Variants in NXN observed in about 807,000 individuals in gnomAD.
NXN encodes nucleoredoxin 1.
Under a neutral mutation model 48.6 loss-of-function variants are expected in NXN, and 16 were observed. The ratio of observed to expected loss-of-function variants is 0.33; its 90% CI spans 0.22 to 0.50. The LOEUF is 0.50. Among genes scored for constraint, NXN ranks in the 20% least tolerant of loss-of-function variants. The pLI is 0.98. For synonymous variants in NXN, 281 were observed against 269.6 expected (o/e 1.04, Z -0.41); for missense variants, 492 against 605.5 (o/e 0.81, Z 1.97).
chr17:823,775 A>C lies in NXN; in HGVS notation c.479-10T>G. 1.9e-6 allele frequency: 3 copies of C among 1,614,130 alleles called. No homozygotes were observed. Among genetic ancestry groups the C allele is most frequent in the Non-Finnish European group, 2.5e-6 (3 of 1,180,010 alleles). ...CAGGGGAACTCCAGACCTGAAACAGAAAACAGATGGTAAAAGAGGGCTTAG... is the reference window on the plus strand; with the variant it reads ...CAGGGGAACTCCAGACCTGAAACAGCAAACAGATGGTAAAAGAGGGCTTAG... On this transcript the variant is annotated splice_polypyrimidine_tract_variant and intron_variant, in intron 2 of 7. Transcript: ENST00000336868.
chr17:909,521 A>T (rs192846074), intron 1 of NXN: 1 of 140,786 alleles, frequency 7.1e-6, no homozygotes, highest in Non-Finnish European at 1.5e-5. Context: ...CTTGTGTTCC[A>T]AAGGAAATGA....
chr17:974,873 C>A (rs1036271435), intron 1 of NXN, among the ~76,000 whole-genome samples: 5 of 151,872 alleles, frequency 3.3e-5, no homozygotes, highest in African/African-American at 1.2e-4. Flanking sequence ...GTTGTCCTGG[C>A]TGGAGTGTAG....
At chr17:812,895 G>A (rs1039046893) in intron 5 of NXN, among the ~76,000 whole-genome samples, 1 of 142,090 alleles carries the variant, frequency 7.0e-6, no homozygotes. Context: ...TGTGAATGTA[G>A]GTGTGTGCAT....
intron 1 of NXN, among the ~76,000 whole-genome samples, chr17:853,702 C>CACACAT (rs1269027449): frequency 8.4e-6 from 1 of 119,316 alleles, no homozygotes; most frequent in African/African-American, 3.6e-5. Flanking sequence ...CTGTTATACA[C>CACACAT]ATATATATAT....
intron 5 of NXN, among the ~76,000 whole-genome samples, chr17:818,524 G>A (rs940418929): frequency 1.3e-5 from 2 of 152,144 alleles, no homozygotes; most frequent in African/African-American, 2.4e-5. Context: ...CTCTTTCACA[G>A]TAAACCTTTG....
rs963656973 is a variant in NXN, at chr17:920,296, C to T, written c.360+59023G>A. ...GCTTTGACCTGGAGGAATCTGGCAA[C>T]GTCAACATCAAGTGATTGTTCAAAT... is the stretch of plus-strand genomic sequence containing the variant. On this transcript the variant is annotated intron_variant, in intron 1 of 7. Coordinates refer to ENST00000336868, the MANE Select transcript of NXN (RefSeq NM_022463.5). The surrounding 1 kb of genome is among the most constrained non-coding windows in gnomAD (Gnocchi z 4.6). 2.6e-5 allele frequency among the ~76,000 whole-genome samples: 4 copies of T among 152,266 alleles called. No individual in the cohort carries two copies. Among genetic ancestry groups the T allele is most frequent in the Non-Finnish European group, 5.9e-5 (4 of 68,022 alleles).
chr17:892,412 T>C (rs1039897869), intron 1 of NXN, among the ~76,000 whole-genome samples: 3 of 152,162 alleles, frequency 2.0e-5, no homozygotes, highest in Admixed American at 2.0e-4. Context: ...GCCTCTCACT[T>C]ACAGCTGACC....
rs574030879 is a variant in NXN at position 956,054 on chromosome 17, C to A, written c.360+23265G>T. On this transcript the variant is annotated intron_variant, in intron 1 of 7. Coordinates refer to ENST00000336868, the MANE Select transcript of NXN (RefSeq NM_022463.5). The surrounding 1 kb of genome is among the most constrained non-coding windows in gnomAD (Gnocchi z 4.1). ...ACTGTGGCCACATAATCCCCCTGTC[C>A]TTTCCAGGGTATCATTCAGTGACTG... is the stretch of plus-strand genomic sequence containing the variant. Among the ~76,000 whole-genome samples, 68 of 152,280 alleles carry A rather than the reference C, an allele frequency of 4.5e-4. No individual in the cohort carries two copies. The highest frequency in any genetic ancestry group is 1.6e-3 in the African/African-American group (68 of 41,564).
intron 1 of NXN, among the ~76,000 whole-genome samples, chr17:829,822 T>C (rs1023081856): frequency 1.3e-5 from 2 of 152,310 alleles, no homozygotes; most frequent in African/African-American, 2.4e-5. Context: ...TATGGCTGTA[T>C]AGTATTCCAT....
intron 1 of NXN, among the ~76,000 whole-genome samples, chr17:952,989 G>A (rs2069129521): frequency 6.6e-6 from 1 of 152,116 alleles, no homozygotes; most frequent in African/African-American, 2.4e-5. Flanking sequence ...GGTGGTCCTA[G>A]AGGGGTCCTA....
intron 7 of NXN, among the ~76,000 whole-genome samples, chr17:803,396 A>AGCCACGGCCACTC (rs1365642418): frequency 6.6e-6 from 1 of 152,132 alleles, no homozygotes; most frequent in Non-Finnish European, 1.5e-5. Flanking sequence ...CACACTTTGC[A>AGCCACGGCCACTC]GCCACGGCCA....
At chr17:845,400 C>A (rs763531114) in intron 1 of NXN, among the ~76,000 whole-genome samples, 3 of 151,524 alleles carry the variant, frequency 2.0e-5, no homozygotes, top group Non-Finnish European at 4.4e-5. Flanking sequence ...ACTCAACATC[C>A]GAGAGAGAAT....
intron 7 of NXN, among the ~76,000 whole-genome samples, chr17:802,533 GC>G (rs1404880039): frequency 6.6e-6 from 1 of 152,168 alleles, no homozygotes; most frequent in Admixed American, 6.5e-5. Context: ...TCTCAAGGCC[GC>G]CCCCGCCCGT....
chr17:954,734 G>T (rs1171593210), intron 1 of NXN, among the ~76,000 whole-genome samples: 1 of 152,208 alleles, frequency 6.6e-6, no homozygotes, highest in Admixed American at 6.5e-5. Flanking sequence ...TTCCCTGATG[G>T]CCCAACAGGA....
chr17:802,416 C>T (rs780677881), intron 7 of NXN, among the ~76,000 whole-genome samples: 2 of 152,238 alleles, frequency 1.3e-5, no homozygotes, highest in Non-Finnish European at 2.9e-5. Context: ...ACAGCGACTA[C>T]GTTCCCAGCC....
At chr17:945,882 T>C (rs1237726716) in intron 1 of NXN, among the ~76,000 whole-genome samples, 1 of 151,974 alleles carries the variant, frequency 6.6e-6, no homozygotes, top group Non-Finnish European at 1.5e-5. Context: ...GGTGTGCCTT[T>C]AGGGTTAGGC....
At chr17:955,356 G>A (rs1475803617) in intron 1 of NXN, among the ~76,000 whole-genome samples, 1 of 150,862 alleles carries the variant, frequency 6.6e-6, no homozygotes, top group South Asian at 2.1e-4. Context: ...TTTTAGTAGA[G>A]ATGGGGTTTC....
chr17:976,555 C>A (rs1370460283), intron 1 of NXN, among the ~76,000 whole-genome samples: 4 of 152,094 alleles, frequency 2.6e-5, no homozygotes, highest in Non-Finnish European at 5.9e-5. Flanking sequence ...TTATCATTGG[C>A]GAAATGACAC....
chr17:837,811 C>T (rs146728945), intron 1 of NXN, among the ~76,000 whole-genome samples: 7 of 152,280 alleles, frequency 4.6e-5, no homozygotes, highest in East Asian at 1.9e-4. Context: ...CAGGCTGATC[C>T]GAGCCGTCAC....
Sources: allele counts gnomAD v4.1 joint callset (sites outside exome capture counted in the v4.1 genomes callset), GRCh38; gene constraint gnomAD v4.1.1; non-coding constraint Gnocchi (gnomAD v3.1); transcripts MANE v1.5; gene names NCBI Gene and HGNC (gene_info 2026-07-23, HGNC 2026-07-21).